The following GGPS1 variants were observed in gnomAD, a reference collection of about 807,000 sequenced individuals.
GGPS1 encodes geranylgeranyl diphosphate synthase 1, also known as geranylgeranyl pyrophosphate synthase.
Under a neutral mutation model 28.1 loss-of-function variants are expected in GGPS1, and 15 were observed. The observed-to-expected ratio is 0.53, with a 90% CI of 0.36 to 0.82. GGPS1 has a LOEUF of 0.82. Ranked by LOEUF, GGPS1 falls within the 40% of genes least tolerant of loss-of-function variation. The pLI, the probability that GGPS1 is intolerant of heterozygous loss-of-function variation, is 0.01. For missense variants in GGPS1, 284 were observed against 348.3 expected (o/e 0.82, Z 1.47); for synonymous variants, 138 against 122.4 (o/e 1.13, Z -0.84).
intron 1 of GGPS1, among the ~76,000 whole-genome samples, chr1:235,333,584 A>G (rs951129527): frequency 3.9e-5 from 6 of 151,900 alleles, no homozygotes; most frequent in Admixed American, 2.6e-4. Context: ...AAAAAACAAA[A>G]GGACCTTTGA....
chr1:235,342,442 T>C lies in GGPS1; in HGVS notation c.573T>C (p.Ala191=). The change falls in exon 4 of 4, where the codon GCT becomes GCC. Residue 191 remains alanine (A), a synonymous_variant. Transcript: ENST00000282841. ...TTTTCCAAATTAGGGATGATTATGC[T>C]AATCTACACTCCAAAGAATATAGTG... ...GLFFQIRDDY[A]NLHSKEYSEN... is the part of the protein sequence containing the mutation. The C allele has an allele frequency of 6.2e-7, 1 of 1,612,246 alleles. No homozygotes were observed. Among genetic ancestry groups the C allele is most frequent in the African/African-American group, 1.3e-5 (1 of 74,834 alleles).
Position 235,342,859 on chromosome 1 carries a change from G to C in GGPS1, c.*87G>C. The C allele has an allele frequency of 1.1e-6, 1 of 915,206 alleles. No homozygotes were observed. The highest frequency in any genetic ancestry group is 1.7e-6 in the Non-Finnish European group (1 of 605,074). The allele number at this position is 915,206 out of a possible 1,614,324, so 56.7% of individuals were successfully genotyped here. ...AGCCTTACCACCTTTTAAAAAATTT[G>C]TTATTCTCCAGAAACAGTAAATAGG... On this transcript the variant is annotated 3_prime_UTR_variant, in exon 4 of 4. Coordinates refer to ENST00000282841, the MANE Select transcript of GGPS1 (RefSeq NM_004837.4).
chr1:235,341,673 T>G, intron 2 of GGPS1, 35 bp from the exon 3 acceptor site: 9 of 1,141,334 alleles, frequency 7.9e-6, no homozygotes, highest in Non-Finnish European at 1.2e-5. Flanking sequence ...ATTAAAACAC[T>G]TATCACATTG....
intron 1 of GGPS1, among the ~76,000 whole-genome samples, chr1:235,333,289 G>A (rs1675772554): frequency 6.6e-6 from 1 of 151,762 alleles, no homozygotes; most frequent in Admixed American, 6.6e-5. Context: ...GGATCAGGCC[G>A]GGCACAGTAG....
intron 2 of GGPS1, among the ~76,000 whole-genome samples, chr1:235,341,366 GA>G (rs1416933932): frequency 6.6e-6 from 1 of 152,110 alleles, no homozygotes; most frequent in African/African-American, 2.4e-5. Flanking sequence ...TTCAAAAAAA[GA>G]AATAAATTAG....
upstream of GGPS1, chr1:235,327,368 C>G (rs934130229): frequency 6.5e-6 from 1 of 152,864 alleles, no homozygotes; most frequent in African/African-American, 2.4e-5. Flanking sequence ...CGGGGGCCAC[C>G]GAGGGGCCAG....
chr1:235,339,506 T>C (rs1413631999), intron 2 of GGPS1, among the ~76,000 whole-genome samples: 2 of 151,766 alleles, frequency 1.3e-5, no homozygotes, highest in Non-Finnish European at 2.9e-5. Flanking sequence ...AAACCCATAA[T>C]CCCAGCATTT....
chr1:235,340,889 G>A (rs116703788), intron 2 of GGPS1, among the ~76,000 whole-genome samples: 6,995 of 152,060 alleles, frequency 0.046, 529 homozygotes, highest in African/African-American at 0.15. Flanking sequence ...TGAAAGGAAA[G>A]AAGCAGAGCT....
chr1:235,338,296 T>G (rs1167612414), intron 2 of GGPS1, among the ~76,000 whole-genome samples: 2 of 151,216 alleles, frequency 1.3e-5, no homozygotes, highest in Non-Finnish European at 3.0e-5. Flanking sequence ...GTGGGATGAT[T>G]ACCGGAGCCT....
chr1:235,331,850 A>G (rs1675726178), intron 1 of GGPS1, among the ~76,000 whole-genome samples: 2 of 152,162 alleles, frequency 1.3e-5, no homozygotes, highest in Non-Finnish European at 2.9e-5. Context: ...CTGTTGCCAT[A>G]TTATACGTCT....
In GGPS1 at chr1:235,330,884, T is replaced by C. The variant is rs1675691822; in HGVS notation, c.-24+2106T>C. On this transcript the variant is annotated intron_variant, in intron 1 of 3. Coordinates refer to ENST00000282841, the MANE Select transcript of GGPS1 (RefSeq NM_004837.4). ...CTCCCAACTTGTAGTTGAGAAAAGA[T>C]AGATACTAACATTTAAATAGAGAAG... 2.0e-5 allele frequency among the ~76,000 whole-genome samples: 3 copies of C among 152,240 alleles called. No individual in the cohort carries two copies. In the South Asian group the frequency reaches 6.2e-4, roughly 31 times the overall value.
intron 1 of GGPS1, among the ~76,000 whole-genome samples, chr1:235,331,309 A>G (rs1452745225): frequency 1.3e-5 from 2 of 152,204 alleles, no homozygotes; most frequent in African/African-American, 4.8e-5. Context: ...TCATATAGAT[A>G]AGAACAGACT....
rs1271021480 is a variant in GGPS1 at position 235,344,223 on chromosome 1, C to T, written c.*1451C>T. On this transcript the variant is annotated 3_prime_UTR_variant, in exon 4 of 4. Coordinates refer to ENST00000282841, the MANE Select transcript of GGPS1 (RefSeq NM_004837.4). ...ATCCCAAAATGAAAGTTTTATGTTTCCCTTAGAAACATGTTTTGCTTGGTT... is the reference window on the plus strand; with the variant it reads ...ATCCCAAAATGAAAGTTTTATGTTTTCCTTAGAAACATGTTTTGCTTGGTT... The T allele has an allele frequency of 6.1e-6, 1 of 164,536 alleles. No individual in the cohort carries two copies. The highest frequency in any genetic ancestry group is 1.9e-4 in the East Asian group (1 of 5,148). The allele number at this position is 164,536 out of a possible 1,614,324, so 10.2% of individuals were successfully genotyped here. A position where few individuals can be genotyped will look rare whatever the true frequency, so the allele number is the denominator to read the frequency against.
chr1:235,342,811 A>G lies in GGPS1; in HGVS notation c.*39A>G. The G allele has an allele frequency of 7.1e-7, 1 of 1,402,898 alleles. No homozygotes were observed. Among genetic ancestry groups the G allele is most frequent in the South Asian group, 1.4e-5 (1 of 72,180 alleles). The allele number at this position is 1,402,898 out of a possible 1,614,324, so 86.9% of individuals were successfully genotyped here. On this transcript the variant is annotated 3_prime_UTR_variant, in exon 4 of 4. Coordinates refer to ENST00000282841, the MANE Select transcript of GGPS1 (RefSeq NM_004837.4). Reference sequence around the variant, plus strand: ...TTGATTGGACCTCATAGCTTATTTTAGTTAATCTTTTTTTTGTCTTTTAGC... The same window carrying G: ...TTGATTGGACCTCATAGCTTATTTTGGTTAATCTTTTTTTTGTCTTTTAGC...
chr1:235,331,946 A>G (rs1378746040), intron 1 of GGPS1, among the ~76,000 whole-genome samples: 1 of 152,258 alleles, frequency 6.6e-6, no homozygotes, highest in Non-Finnish European at 1.5e-5. Flanking sequence ...GCTACAAAAC[A>G]GGAACATTAA....
intron 2 of GGPS1, among the ~76,000 whole-genome samples, chr1:235,339,774 A>AG (rs369127882): frequency 6.6e-6 from 1 of 151,830 alleles, no homozygotes; most frequent in Non-Finnish European, 1.5e-5. Flanking sequence ...AAAAAAAAAA[A>AG]GAAAACAGTA....
At chr1:235,340,628 C>T (rs1251707882) in intron 2 of GGPS1, among the ~76,000 whole-genome samples, 5 of 145,942 alleles carry the variant, frequency 3.4e-5, no homozygotes, top group Non-Finnish European at 4.5e-5. Flanking sequence ...CCCAGCTACT[C>T]GGGAGGCTGA....
At chr1:235,336,299 G>A (rs1028999841) in intron 2 of GGPS1, among the ~76,000 whole-genome samples, 6 of 152,182 alleles carry the variant, frequency 3.9e-5, no homozygotes, top group Admixed American at 3.9e-4. Context: ...GCTGAGGCAG[G>A]AGAATCACCT....
chr1:235,332,028 C>A (rs961263769), intron 1 of GGPS1, among the ~76,000 whole-genome samples: 1 of 152,184 alleles, frequency 6.6e-6, no homozygotes, highest in Non-Finnish European at 1.5e-5. Context: ...AAGTGGAATG[C>A]TAGCACTAAT....
Sources: allele counts gnomAD v4.1 joint callset (sites outside exome capture counted in the v4.1 genomes callset), GRCh38; gene constraint gnomAD v4.1.1; transcripts MANE v1.5; gene names NCBI Gene and HGNC (gene_info 2026-07-23, HGNC 2026-07-21).